Variants in DAB1 observed in about 807,000 individuals in gnomAD.
DAB1 encodes the protein DAB adaptor protein 1, also known as disabled homolog 1.
DAB1 carries 15 observed loss-of-function variants against 64.6 expected under a neutral mutation model. The observed-to-expected ratio is 0.23, with a 90% CI of 0.16 to 0.36. The LOEUF is 0.36. Ranked by LOEUF, DAB1 falls within the 10% of genes least tolerant of loss-of-function variation. The probability of loss-of-function intolerance (pLI) is 1.00; values close to 1 mark genes in which losing one functional copy is unlikely to be tolerated. For synonymous variants in DAB1, 235 were observed against 251.9 expected (o/e 0.93, Z 0.64); for missense variants, 596 against 706.7 (o/e 0.84, Z 1.78).
chr1:58,209,960 C>A (rs1261563732), intron 4 of DAB1, among the ~76,000 whole-genome samples: 1 of 152,080 alleles, frequency 6.6e-6, no homozygotes, highest in East Asian at 1.9e-4. Context: ...AGTAAAAAGT[C>A]ATTTGAAGCC....
At chr1:58,490,566 C>T (rs1268902703) in intron 3 of DAB1, among the ~76,000 whole-genome samples, 1 of 152,094 alleles carries the variant, frequency 6.6e-6, no homozygotes, top group Non-Finnish European at 1.5e-5. Flanking sequence ...GGCAGGCCAA[C>T]ATTCAAATTC....
At chr1:57,531,799 G>T (rs1255043016) in intron 7 of DAB1, among the ~76,000 whole-genome samples, 1 of 152,020 alleles carries the variant, frequency 6.6e-6, no homozygotes, top group African/African-American at 2.4e-5. Flanking sequence ...TTATTTCTGT[G>T]GTATAAATAA....
chr1:57,081,279 C>T (rs1204675930), intron 4 of DAB1, among the ~76,000 whole-genome samples: 1 of 152,108 alleles, frequency 6.6e-6, no homozygotes, highest in Non-Finnish European at 1.5e-5. Context: ...ATGGTAGGCT[C>T]TTTGCACTTT....
At chr1:58,514,865 A>G (rs1167510064) in intron 2 of DAB1, among the ~76,000 whole-genome samples, 1 of 152,194 alleles carries the variant, frequency 6.6e-6, no homozygotes, top group Non-Finnish European at 1.5e-5. Flanking sequence ...ACTTTGGGAG[A>G]GGGAAACCTT....
At chr1:57,154,699 G>A (rs1197437332) in intron 2 of DAB1, among the ~76,000 whole-genome samples, 2 of 152,124 alleles carry the variant, frequency 1.3e-5, no homozygotes, top group African/African-American at 2.4e-5. Flanking sequence ...ATCTTTGTCA[G>A]CATTTGTTAT....
intron 2 of DAB1, among the ~76,000 whole-genome samples, chr1:57,204,306 G>C (rs1372642522): frequency 6.6e-6 from 1 of 151,986 alleles, no homozygotes; most frequent in Non-Finnish European, 1.5e-5. Context: ...TCTAAAAAAA[G>C]CACAGTTATT....
In DAB1 at chr1:57,166,526, G is replaced by A. The variant is rs139972501; in HGVS notation, c.68-21097C>T. 5.3e-5 allele frequency among the ~76,000 whole-genome samples: 8 copies of A among 152,246 alleles called. No homozygotes were observed. In the East Asian group the frequency reaches 1.5e-3, roughly 29 times the overall value. On this transcript the variant is annotated intron_variant, in intron 2 of 14. Transcript: ENST00000371236. ...GAAGTCATGGCCCAGGTCAGCCCAG[G>A]AATAACTAGCATATATATTATACTG... is the stretch of plus-strand genomic sequence containing the variant.
chr1:57,035,203 C>T (rs537906775), intron 9 of DAB1, among the ~76,000 whole-genome samples: 1 of 152,312 alleles, frequency 6.6e-6, no homozygotes, highest in South Asian at 2.1e-4. Flanking sequence ...TATAAATTCA[C>T]ACACTCCTAG....
intron 14 of DAB1, 141 bp downstream of exon 14, chr1:57,010,539 C>T (rs1270572248): frequency 1.3e-5 from 6 of 460,036 alleles, no homozygotes; most frequent in Admixed American, 1.1e-4. Context: ...AGGGAAGGAG[C>T]GATGGTGCAA....
intron 7 of DAB1, among the ~76,000 whole-genome samples, chr1:57,491,352 C>T (rs999708206): frequency 2.0e-5 from 3 of 151,970 alleles, no homozygotes; most frequent in Admixed American, 6.6e-5. Context: ...GGCGTGAACC[C>T]GGGAGGCGGA....
rs1216559448 is a variant in DAB1 at position 58,518,307 on chromosome 1, A to G, written n.107+8954T>C. ...AGAGAAGAGAAGAGAAGAGAAGAGA[A>G]GAGAAGAGAAGAGAAGAGAAGAGAA... On this transcript the variant is annotated intron_variant and non_coding_transcript_variant, in intron 2 of 20. Transcript: ENST00000485760. Among the ~76,000 whole-genome samples the G allele has an allele frequency of 4.7e-4, 40 of 85,780 alleles. 1 individual carries two copies. The highest frequency in any genetic ancestry group is 0.011 in the Middle Eastern group (2 of 178). 56.3% of individuals were successfully genotyped at this position (85,780 alleles called of 152,430 possible).
chr1:58,022,436 G>T (rs1225901094), intron 5 of DAB1, among the ~76,000 whole-genome samples: 1 of 152,168 alleles, frequency 6.6e-6, no homozygotes, highest in Non-Finnish European at 1.5e-5. Flanking sequence ...TCTTGCTTTG[G>T]CAGAGTAGAC....
In DAB1 at chr1:57,213,984, C is replaced by T. The variant is rs1463165356; in HGVS notation, c.68-68555G>A. On this transcript the variant is annotated intron_variant, in intron 2 of 14. Transcript: ENST00000371236. The stretch of plus-strand genomic sequence containing the variant: ...CTTAGTAGTCAGGGAAGCAGGTATA[C>T]CAAAAGGTAATTGCAATGCAGTGGG... Among the ~76,000 whole-genome samples, 4 of 152,270 alleles carry T rather than the reference C, an allele frequency of 2.6e-5. No individual in the cohort carries two copies. In the East Asian group the frequency reaches 7.7e-4, roughly 29 times the overall value.
intron 3 of DAB1, among the ~76,000 whole-genome samples, chr1:57,144,031 T>G (rs1658867673): frequency 6.6e-6 from 1 of 151,734 alleles, no homozygotes; most frequent in South Asian, 2.1e-4. Context: ...CCAATTTTAT[T>G]ACATATATGT....
At chr1:58,133,114 C>T (rs552864804) in intron 5 of DAB1, among the ~76,000 whole-genome samples, 1 of 152,294 alleles carries the variant, frequency 6.6e-6, no homozygotes, top group Admixed American at 6.5e-5. Flanking sequence ...ATCAAAGCTG[C>T]TATGGTTTTG....
At chr1:57,768,658 G>A (rs943606105) in intron 6 of DAB1, among the ~76,000 whole-genome samples, 5 of 151,228 alleles carry the variant, frequency 3.3e-5, no homozygotes, top group African/African-American at 1.2e-4. Flanking sequence ...TTGATATACA[G>A]GCATATATTT....
chr1:58,419,204 C>G (rs1421767845), intron 3 of DAB1, among the ~76,000 whole-genome samples: 10 of 152,136 alleles, frequency 6.6e-5, no homozygotes, highest in Admixed American at 6.5e-4. Context: ...CCCATGAGTT[C>G]CTTGTACTTG....
chr1:57,591,395 A>G (rs1404585475), intron 7 of DAB1, among the ~76,000 whole-genome samples: 1 of 152,232 alleles, frequency 6.6e-6, no homozygotes, highest in Non-Finnish European at 1.5e-5. Flanking sequence ...TTATGATATC[A>G]CCACAAATGT....
chr1:58,054,586 A>T (rs1425453180), intron 5 of DAB1, among the ~76,000 whole-genome samples: 1 of 152,246 alleles, frequency 6.6e-6, no homozygotes, highest in East Asian at 1.9e-4. Flanking sequence ...AAAACCCATT[A>T]TCAGCTCATT....
Sources: allele counts gnomAD v4.1 joint callset (sites outside exome capture counted in the v4.1 genomes callset), GRCh38; gene constraint gnomAD v4.1.1; transcripts MANE v1.5; gene names NCBI Gene and HGNC (gene_info 2026-07-23, HGNC 2026-07-21).